Variants in MAST4 observed in about 807,000 individuals in gnomAD.
The protein encoded by MAST4 is microtubule associated serine/threonine kinase family member 4.
In MAST4, 89 loss-of-function variants were observed where a neutral mutation model predicts 162.7. That is an observed-to-expected ratio of 0.55 (90% CI 0.46 to 0.65). The LOEUF is 0.65. Among genes scored for constraint, MAST4 ranks in the 30% least tolerant of loss-of-function variants. The pLI, the probability that MAST4 is intolerant of heterozygous loss-of-function variation, is 0.00. For missense variants in MAST4, 3,153 were observed against 3,374.0 expected (o/e 0.93, Z 1.62); for synonymous variants, 1,479 against 1,361.1 (o/e 1.09, Z -1.91).
chr5:67,164,279 C>A lies in MAST4; in HGVS notation c.5100C>A (p.Asp1700Glu), dbSNP rs1379503058. ...RKKMSLEDKEDNLCPVLKPKM... is the reference protein window; with the variant it reads ...RKKMSLEDKEENLCPVLKPKM... ...AAATGTCACTTGAGGACAAAGAGGA[C>A]AACCTCTGCCCTGTGCTGAAGCCCA... Residue 1700 changes from aspartate to glutamate, a missense_variant, in exon 29 of 29, where the codon GAC becomes GAA. Transcript: ENST00000403625. The surrounding 1 kb of genome is among the most constrained non-coding windows in gnomAD (Gnocchi z 5.3). The A allele has an allele frequency of 6.2e-7, 1 of 1,613,926 alleles. No homozygotes were observed. The highest frequency in any genetic ancestry group is 1.3e-5 in the African/African-American group (1 of 74,956).
intron 4 of MAST4, among the ~76,000 whole-genome samples, chr5:66,925,258 TAGAC>T (rs1485760294): frequency 2.6e-5 from 4 of 152,194 alleles, no homozygotes; most frequent in African/African-American, 9.6e-5. Context: ...AGCTAAGTGT[TAGAC>T]AGTTTTTAGT....
At chr5:66,847,957 T>A (rs1164724989) in intron 3 of MAST4, among the ~76,000 whole-genome samples, 1 of 152,136 alleles carries the variant, frequency 6.6e-6, no homozygotes, top group Admixed American at 6.5e-5. Context: ...ATCAAGTTCT[T>A]ACAGCCACTG....
intron 4 of MAST4, among the ~76,000 whole-genome samples, chr5:66,986,794 T>C (rs1749559686): frequency 6.6e-6 from 1 of 151,760 alleles, no homozygotes; most frequent in African/African-American, 2.4e-5. Context: ...TTTTATTTTT[T>C]AGAGATAGGG....
intron 1 of MAST4, among the ~76,000 whole-genome samples, chr5:66,645,817 G>A (rs996867083): frequency 6.6e-6 from 1 of 152,108 alleles, no homozygotes; most frequent in African/African-American, 2.4e-5. Flanking sequence ...TTCAAATGCT[G>A]AAAACTTTTT....
Position 67,166,206 on chromosome 5 carries a change from C to T in MAST4, c.7027C>T (p.Pro2343Ser), listed in dbSNP as rs1410466198. The stretch of plus-strand genomic sequence containing the variant: ...CAAACCATCCACTGTGAAAGATTGC[C>T]CCACCCTGTGCAAACAGACAGACAA... ...HPKPSTVKDC[P>S]TLCKQTDNRQ... The change falls in exon 29 of 29, where the codon CCC becomes TCC. Residue 2343 changes from proline (P) to serine (S), a missense_variant. Transcript: ENST00000403625. 3 of 1,553,010 alleles carry T rather than the reference C, an allele frequency of 1.9e-6. No individual in the cohort carries two copies. The highest frequency in any genetic ancestry group is 1.4e-5 in the African/African-American group (1 of 73,224).
chr5:66,929,027 G>A (rs1282901425), intron 4 of MAST4, among the ~76,000 whole-genome samples: 3 of 152,130 alleles, frequency 2.0e-5, no homozygotes, highest in African/African-American at 4.8e-5. Context: ...GGATAAGAGG[G>A]GATTGATTAG....
At chr5:66,750,979 T>TCCCTGAC (rs1363202832) in intron 1 of MAST4, among the ~76,000 whole-genome samples, 6 of 152,236 alleles carry the variant, frequency 3.9e-5, no homozygotes, top group Middle Eastern at 3.4e-3. Context: ...CTCAAGTGGG[T>TCCCTGAC]CCCTGACCCC....
intron 3 of MAST4, among the ~76,000 whole-genome samples, chr5:66,817,651 G>A (rs154650): frequency 0.16 from 24,035 of 152,044 alleles, 2,216 homozygotes; most frequent in East Asian, 0.44. Context: ...ATTCATTGTC[G>A]TGCCTGAGAA....
intron 1 of MAST4, among the ~76,000 whole-genome samples, chr5:66,651,684 G>T (rs1746229744): frequency 6.6e-6 from 1 of 152,144 alleles, no homozygotes; most frequent in Non-Finnish European, 1.5e-5. Context: ...ATCTGGATGT[G>T]GCTTAGCTGG....
At chr5:67,051,881 G>A (rs1056095105) in intron 4 of MAST4, among the ~76,000 whole-genome samples, 7 of 152,096 alleles carry the variant, frequency 4.6e-5, no homozygotes, top group Non-Finnish European at 1.0e-4. Context: ...GCTACTTTGG[G>A]ATCATTTGAT....
rs13176770 is a variant in MAST4, at chr5:67,136,573, C to G, written c.2403C>G (p.Asn801Lys). ...TTTTCTTCCTTCTAGATGAGATCAACTGGCCTGAGAAGGATGAGGCACCCC... is the reference window on the plus strand; with the variant it reads ...TTTTCTTCCTTCTAGATGAGATCAAGTGGCCTGAGAAGGATGAGGCACCCC... ...LFGQVISDEI[N>K]WPEKDEAPPP... is the part of the protein sequence containing the mutation. Residue 801 changes from asparagine to lysine, a missense_variant, in exon 19 of 29, where the codon AAC becomes AAG. By Grantham distance (94) the Asn-to-Lys change is moderately conservative. Coordinates refer to ENST00000403625, the MANE Select transcript of MAST4 (RefSeq NM_001164664.2). 1 of 1,602,946 alleles carries G rather than the reference C, an allele frequency of 6.2e-7. No homozygotes were observed. Among genetic ancestry groups the G allele is most frequent in the Non-Finnish European group, 8.5e-7 (1 of 1,174,368 alleles).
intron 17 of MAST4, 114 bp from the exon 18 acceptor site, chr5:67,134,409 T>G: frequency 1.3e-6 from 1 of 775,004 alleles, no homozygotes; most frequent in South Asian, 2.2e-5. Context: ...GTCCATGTGG[T>G]TCCATGTGGT....
intron 3 of MAST4, among the ~76,000 whole-genome samples, chr5:66,863,599 C>T (rs1329615524): frequency 6.6e-6 from 1 of 152,140 alleles, no homozygotes; most frequent in Non-Finnish European, 1.5e-5. Flanking sequence ...CCTCTGCACC[C>T]TTTCTTCTTC....
chr5:66,794,659 C>T (rs1229994336), intron 3 of MAST4, among the ~76,000 whole-genome samples: 2 of 152,086 alleles, frequency 1.3e-5, no homozygotes, highest in Non-Finnish European at 2.9e-5. Flanking sequence ...AATGTGCCAA[C>T]CAAACTGAAA....
chr5:66,788,607 C>CCCAGAA, intron 2 of MAST4, 63 bp from the exon 3 acceptor site: 1 of 1,373,728 alleles, frequency 7.3e-7, no homozygotes. Flanking sequence ...CCCCCACCCC[C>CCCAGAA]ATTGCAATAA....
intron 4 of MAST4, among the ~76,000 whole-genome samples, chr5:66,919,168 C>T (rs978269394): frequency 2.3e-4 from 34 of 150,194 alleles, no homozygotes; most frequent in Admixed American, 5.3e-4. Flanking sequence ...TTTTAATAGT[C>T]GTATAATTCA....
intron 2 of MAST4, among the ~76,000 whole-genome samples, chr5:66,767,388 C>T (rs761755651): frequency 2.0e-5 from 3 of 152,022 alleles, no homozygotes; most frequent in Non-Finnish European, 4.4e-5. Context: ...CCCGATAAGA[C>T]ATGATAAATA....
intron 26 of MAST4, among the ~76,000 whole-genome samples, chr5:67,159,185 T>C (rs550443316): frequency 6.6e-6 from 1 of 152,358 alleles, no homozygotes; most frequent in East Asian, 1.9e-4. Context: ...AATTATATAA[T>C]GTGCAATGAA....
At position 66,596,757 on chromosome 5, in the gene MAST4, G is replaced by T; in HGVS notation, c.102G>T (p.Pro34=). 1 of 1,401,296 alleles carries T rather than the reference G, an allele frequency of 7.1e-7. No individual in the cohort carries two copies. The highest frequency in any genetic ancestry group is 1.5e-5 in the African/African-American group (1 of 67,144). The allele number at this position is 1,401,296 out of a possible 1,614,324, so 86.8% of individuals were successfully genotyped here. ...CTGCGCTGGTCGCCGCGTCCTCTCC[G>T]GGTGCTTCCTCGGCCGAGTCCTCCT... ...PASALVAASS[P]GASSAESSSG... is the part of the protein sequence containing the mutation. Residue 34 remains proline, a synonymous_variant, in exon 1 of 29, where the codon CCG becomes CCT. Transcript: ENST00000403625.
Sources: allele counts gnomAD v4.1 joint callset (sites outside exome capture counted in the v4.1 genomes callset), GRCh38; gene constraint gnomAD v4.1.1; non-coding constraint Gnocchi (gnomAD v3.1); transcripts MANE v1.5; gene names NCBI Gene and HGNC (gene_info 2026-07-23, HGNC 2026-07-21).